TNS1: variants seen among roughly 807,000 people sequenced by gnomAD.
TNS1 encodes tensin-1.
Under a neutral mutation model 168.6 loss-of-function variants are expected in TNS1, and 62 were observed. The ratio of observed to expected loss-of-function variants is 0.37; its 90% CI spans 0.30 to 0.45. The LOEUF (loss-of-function observed/expected upper bound fraction) is 0.45, where lower values mean the gene tolerates loss of function less well. TNS1 is among the 20% of genes least tolerant of loss of function. The pLI is 1.00. For synonymous variants in TNS1, 934 were observed against 933.2 expected, an observed-to-expected ratio of 1.00 and a Z score of -0.02; for missense variants, 2,240 against 2,339.4, an observed-to-expected ratio of 0.96 and a Z score of 0.88.
At chr2:217,853,008 C>T (rs1172355399) in intron 18 of TNS1, among the ~76,000 whole-genome samples, 1 of 152,138 alleles carries the variant, frequency 6.6e-6, no homozygotes, top group Admixed American at 6.5e-5. Context: ...AGCATAGCAG[C>T]AGGATCTGTG....
intron 5 of TNS1, 72 bp from the exon 6 acceptor site, chr2:217,906,457 T>C: frequency 1.4e-6 from 1 of 699,604 alleles, no homozygotes; most frequent in Non-Finnish European, 2.6e-6. Flanking sequence ...GCTGGGTTTG[T>C]CAGGAGCGGC....
intron 3 of TNS1, among the ~76,000 whole-genome samples, chr2:217,939,143 C>T (rs1956783832): frequency 6.6e-6 from 1 of 152,212 alleles, no homozygotes; most frequent in East Asian, 1.9e-4. Context: ...GTTTGATCCT[C>T]ACAACCATAC....
At chr2:218,001,878 C>T (rs1559408561) in intron 1 of TNS1, among the ~76,000 whole-genome samples, 1 of 152,198 alleles carries the variant, frequency 6.6e-6, no homozygotes, top group African/African-American at 2.4e-5. Context: ...AAGGCCACAT[C>T]TGGATCACAG....
intron 3 of TNS1, among the ~76,000 whole-genome samples, chr2:217,924,093 C>T (rs1414960485): frequency 1.3e-5 from 2 of 152,222 alleles, no homozygotes; most frequent in Non-Finnish European, 2.9e-5. Context: ...GCCCCCTTGT[C>T]CGGGACCCGA....
intron 9 of TNS1, 92 bp from the exon 10 acceptor site, chr2:217,893,653 G>A: frequency 6.0e-6 from 9 of 1,489,822 alleles, no homozygotes; most frequent in South Asian, 2.7e-5. Context: ...CCAGTACCTG[G>A]GCAGTGGCCC....
chr2:217,906,433 T>A (rs1485727950), intron 5 of TNS1, 48 bp from the exon 6 acceptor site: 1 of 702,542 alleles, frequency 1.4e-6, no homozygotes, highest in Middle Eastern at 2.3e-4. Flanking sequence ...AGAAAAATAA[T>A]CAAAATGCAC....
In TNS1 at chr2:217,829,943, G is replaced by A. The variant is rs1944176618; in HGVS notation, c.3373+1512C>T. The A allele has an allele frequency of 4.3e-5, 68 of 1,596,856 alleles. No homozygotes were observed. The South Asian group carries it at 7.5e-4, about 18-fold the overall frequency. On this transcript the variant is annotated intron_variant, in intron 22 of 32. Transcript: ENST00000682258. ...GAGGCAGGAAAGAAGGGCAGGTGGT[G>A]AAGATGAGGAAGAGCAAAAAAGGAA...
Position 217,897,781 on chromosome 2 carries a change from C to T in TNS1, c.543+17G>A, listed in dbSNP as rs564746309. 9 of 1,576,748 alleles carry T rather than the reference C, an allele frequency of 5.7e-6. No homozygotes were observed. The highest frequency in any genetic ancestry group is 2.4e-5 in the South Asian group (2 of 82,744). On this transcript the variant is annotated intron_variant, in intron 8 of 32. Coordinates refer to ENST00000682258, the MANE Select transcript of TNS1 (RefSeq NM_001387777.1). ...CATAGAGGGCACAGGACAGTGGGCA[C>T]GAGGATCCATCCTCACCAGGTAGTT...
At chr2:217,895,156 C>T in intron 8 of TNS1, 100 bp from the exon 9 acceptor site, 2 of 1,206,264 alleles carry the variant, frequency 1.7e-6, no homozygotes, top group Non-Finnish European at 2.4e-6. Flanking sequence ...AGGACCGTGG[C>T]ATCATTGCCA....
chr2:217,804,687 G>A (rs1163232450), intron 32 of TNS1, 84 bp from the exon 33 acceptor site: 2 of 1,555,608 alleles, frequency 1.3e-6, no homozygotes, highest in African/African-American at 2.7e-5. Context: ...GAGCAAGCTG[G>A]TCTCAGGCCA....
At position 217,986,293 on chromosome 2, in the gene TNS1, C is replaced by T. The variant is rs1958190604; in HGVS notation, c.148+4649G>A. Among the ~76,000 whole-genome samples, 1 of 152,186 alleles carries T rather than the reference C, an allele frequency of 6.6e-6. No homozygotes were observed. The highest frequency in any genetic ancestry group is 2.4e-5 in the African/African-American group (1 of 41,430). On this transcript the variant is annotated intron_variant, in intron 2 of 32. Transcript: ENST00000682258. The surrounding 1 kb of genome is among the most constrained non-coding windows in gnomAD (Gnocchi z 4.7). ...AGGTTTCCCCAAATCCAGTGGGTGCCGGCTTCTGCACAGGCTTGTCCTGTT... is the reference window on the plus strand; with the variant it reads ...AGGTTTCCCCAAATCCAGTGGGTGCTGGCTTCTGCACAGGCTTGTCCTGTT...
intron 3 of TNS1, among the ~76,000 whole-genome samples, chr2:217,960,443 T>C (rs1957469446): frequency 6.6e-6 from 1 of 152,056 alleles, no homozygotes; most frequent in African/African-American, 2.4e-5. Flanking sequence ...CTTGGGAACA[T>C]GGCCAGGTCT....
At chr2:217,882,200 C>T in intron 17 of TNS1, 146 bp downstream of exon 17, 2 of 607,408 alleles carry the variant, frequency 3.3e-6, no homozygotes, top group Middle Eastern at 2.5e-4. Flanking sequence ...GCTAGGGGTC[C>T]ACTCTGAAAC....
intron 7 of TNS1, 112 bp from the exon 8 acceptor site, chr2:217,898,081 G>A: frequency 8.0e-7 from 1 of 1,250,000 alleles, no homozygotes; most frequent in Non-Finnish European, 1.1e-6. Context: ...GCAGCCCAGG[G>A]TGCTTGGCTG....
chr2:217,838,093 A>G (rs1366426929), intron 19 of TNS1, among the ~76,000 whole-genome samples: 1 of 152,248 alleles, frequency 6.6e-6, no homozygotes, highest in Admixed American at 6.5e-5. Flanking sequence ...TTTGGAACTC[A>G]GTTCAGCCCC....
chr2:217,947,402 C>G (rs774367783), intron 3 of TNS1, among the ~76,000 whole-genome samples: 3 of 151,922 alleles, frequency 2.0e-5, no homozygotes, highest in Non-Finnish European at 2.9e-5. Context: ...ATCGAGCAGG[C>G]GCCCAGTGGA....
At chr2:217,993,323 T>C (rs55678041) in intron 1 of TNS1, among the ~76,000 whole-genome samples, 61,432 of 152,054 alleles carry the variant, frequency 0.4, 13,416 homozygotes, top group African/African-American at 0.56. Flanking sequence ...CTCCCCACAT[T>C]ATACTTAGAA....
At chr2:217,934,833 T>G (rs942828904) in intron 3 of TNS1, among the ~76,000 whole-genome samples, 1 of 152,230 alleles carries the variant, frequency 6.6e-6, no homozygotes, top group African/African-American at 2.4e-5. Flanking sequence ...CCCACCTCGA[T>G]GCTGGACAGC....
At chr2:217,834,815 C>T (rs1208928538) in intron 21 of TNS1, among the ~76,000 whole-genome samples, 1 of 152,184 alleles carries the variant, frequency 6.6e-6, no homozygotes, top group Non-Finnish European at 1.5e-5. Flanking sequence ...AGTAAGAAAA[C>T]TCCATAATGT....
Sources: gnomAD v4.1 joint callset for allele counts (sites outside exome capture counted in the v4.1 genomes callset) on GRCh38, gnomAD v4.1.1 for gene constraint, Gnocchi (gnomAD v3.1) non-coding constraint, MANE v1.5 for transcripts, NCBI Gene and HGNC (gene_info 2026-07-23, HGNC 2026-07-21) for gene names.